TNFRSF10D: variants seen among roughly 807,000 people sequenced by gnomAD.
The protein encoded by TNFRSF10D is tumor necrosis factor receptor superfamily member 10D.
In TNFRSF10D, 28 loss-of-function variants were observed where a neutral mutation model predicts 42.1. The observed-to-expected ratio is 0.66, with a 90% CI of 0.49 to 0.91. The LOEUF (loss-of-function observed/expected upper bound fraction) is 0.91. TNFRSF10D is among the 40% of genes least tolerant of loss of function. TNFRSF10D has a pLI of 0.00. For missense variants in TNFRSF10D, 503 were observed against 486.1 expected (o/e 1.03, Z -0.33); for synonymous variants, 186 against 189.4 (o/e 0.98, Z 0.15).
In TNFRSF10D at chr8:23,137,626, A is replaced by G; in HGVS notation, c.*244T>C. The G allele has an allele frequency of 8.8e-6, 4 of 454,586 alleles. No homozygotes were observed. The highest frequency in any genetic ancestry group is 6.6e-5 in the South Asian group (2 of 30,390). 28.2% of individuals were successfully genotyped at this position (454,586 alleles called of 1,614,324 possible). On this transcript the variant is annotated 3_prime_UTR_variant, in exon 9 of 9. Coordinates refer to ENST00000312584, the MANE Select transcript of TNFRSF10D (RefSeq NM_003840.5). ...GGCCTAAAACGACCCTTAATACACA[A>G]TCGTATAACTATGCAGCCAAGAATC...
Position 23,137,961 on chromosome 8 carries a change from T to C in TNFRSF10D, c.1070A>G (p.His357Arg), listed in dbSNP as rs199819618. 3.5e-5 allele frequency: 57 copies of C among 1,614,232 alleles called. No homozygotes were observed. The highest frequency in any genetic ancestry group is 3.3e-4 in the Middle Eastern group (2 of 6,062). ...TTGGTCCTGAATTGTTTCCTTTGCA[T>C]GTCCTTCTTCCAGTGTTGCCGAGGC... The part of the protein sequence containing the change: ...LDASATLEEG[H>R]AKETIQDQLV... The change falls in exon 9 of 9, where the codon CAT (histidine) becomes CGT (arginine). Residue 357 changes from histidine to arginine, a missense_variant. Coordinates refer to ENST00000312584, the MANE Select transcript of TNFRSF10D (RefSeq NM_003840.5).
In TNFRSF10D at chr8:23,153,513, C is replaced by T. The variant is rs573374846; in HGVS notation, c.256+1361G>A. Among the ~76,000 whole-genome samples the T allele has an allele frequency of 7.2e-5, 11 of 152,192 alleles. No homozygotes were observed. The East Asian group carries it at 2.1e-3, about 29-fold the overall frequency. Reference sequence around the variant, plus strand: ...AAAATACACAGGAACTCAAACATCTCAATAGTATGCAATCAAATAATCCAA... The same window carrying T: ...AAAATACACAGGAACTCAAACATCTTAATAGTATGCAATCAAATAATCCAA... On this transcript the variant is annotated intron_variant, in intron 2 of 8. Coordinates refer to ENST00000312584, the MANE Select transcript of TNFRSF10D (RefSeq NM_003840.5).
chr8:23,152,153 G>T (rs1305989495), intron 2 of TNFRSF10D, among the ~76,000 whole-genome samples: 1 of 152,176 alleles, frequency 6.6e-6, no homozygotes, highest in Admixed American at 6.5e-5. Flanking sequence ...AGGATGTTAG[G>T]TTCAGATGTG....
chr8:23,160,362 C>T (rs888086457), intron 1 of TNFRSF10D, among the ~76,000 whole-genome samples: 1 of 152,136 alleles, frequency 6.6e-6, no homozygotes, highest in Non-Finnish European at 1.5e-5. Flanking sequence ...TCCGAAGAGC[C>T]CTGTGGACTC....
chr8:23,145,648 C>A lies in TNFRSF10D; in HGVS notation c.736+20G>T. The A allele has an allele frequency of 6.2e-7, 1 of 1,613,416 alleles. No individual in the cohort carries two copies. Among genetic ancestry groups the A allele is most frequent in the Non-Finnish European group, 8.5e-7 (1 of 1,180,004 alleles). On this transcript the variant is annotated intron_variant, in intron 5 of 8. Coordinates refer to ENST00000312584, the MANE Select transcript of TNFRSF10D (RefSeq NM_003840.5). ...CAGGGCAGACAGTGCCCAGCGCTCC[C>A]ACCCTCAGCCAGCACCTACCTGAGC...
chr8:23,154,092 T>C (rs1172238079), intron 2 of TNFRSF10D, among the ~76,000 whole-genome samples: 938 of 152,236 alleles, frequency 6.2e-3, no homozygotes, highest in African/African-American at 0.019. Flanking sequence ...CCTGGAGATA[T>C]CATGCTAAGT....
chr8:23,162,883 A>T (rs4871852), intron 1 of TNFRSF10D, among the ~76,000 whole-genome samples: 25,855 of 152,042 alleles, frequency 0.17, 2,902 homozygotes, highest in East Asian at 0.59. Flanking sequence ...TCCAAGAAAC[A>T]CGTGTAACAG....
chr8:23,144,341 G>A, intron 7 of TNFRSF10D, 109 bp downstream of exon 7: 1 of 1,305,820 alleles, frequency 7.7e-7, no homozygotes, highest in Non-Finnish European at 1.0e-6. Context: ...TCTCCCAAAG[G>A]CTCCATGTCC....
chr8:23,139,931 G>C (rs566356755), intron 7 of TNFRSF10D, among the ~76,000 whole-genome samples: 1 of 152,246 alleles, frequency 6.6e-6, no homozygotes, highest in East Asian at 1.9e-4. Flanking sequence ...GGATCACGAT[G>C]TCAAGAGTTC....
rs1369707036 is a variant in TNFRSF10D at position 23,162,238 on chromosome 8, G to C, written c.150+1548C>G. 5.9e-5 allele frequency among the ~76,000 whole-genome samples: 9 copies of C among 152,302 alleles called. No homozygotes were observed. The East Asian group carries it at 1.2e-3, about 20-fold the overall frequency. ...GAGGGATCAAAGCCTCCTTTGGGACGCATAGAGTTCACATTCCCAAAACTG... is the reference window on the plus strand; with the variant it reads ...GAGGGATCAAAGCCTCCTTTGGGACCCATAGAGTTCACATTCCCAAAACTG... On this transcript the variant is annotated intron_variant, in intron 1 of 8. Coordinates refer to ENST00000312584, the MANE Select transcript of TNFRSF10D (RefSeq NM_003840.5).
At chr8:23,156,196 T>A (rs1295972883) in intron 1 of TNFRSF10D, among the ~76,000 whole-genome samples, 1 of 149,712 alleles carries the variant, frequency 6.7e-6, no homozygotes, top group African/African-American at 2.5e-5. Flanking sequence ...TTTTTCAAAT[T>A]TTTTTTGCAT....
chr8:23,136,026 T>C lies in TNFRSF10D; in HGVS notation c.*1844A>G, dbSNP rs1461835458. 4.1e-3 allele frequency: 1,704 copies of C among 414,754 alleles called. No individual in the cohort carries two copies. Among genetic ancestry groups the C allele is most frequent in the African/African-American group, 0.02 (969 of 49,112 alleles). The allele number at this position is 414,754 out of a possible 1,614,324, so 25.7% of individuals were successfully genotyped here. A position where few individuals can be genotyped will look rare whatever the true frequency, so the allele number is the denominator to read the frequency against. On this transcript the variant is annotated 3_prime_UTR_variant, in exon 9 of 9. Coordinates refer to ENST00000312584, the MANE Select transcript of TNFRSF10D (RefSeq NM_003840.5). The stretch of plus-strand genomic sequence containing the variant: ...AAGGCCATCCCCTCCTAAAACTCCA[T>C]GGACACAACAATCTGAATGTGCGAA...
intron 1 of TNFRSF10D, among the ~76,000 whole-genome samples, chr8:23,158,993 T>G (rs1034129980): frequency 2.6e-5 from 4 of 152,146 alleles, no homozygotes; most frequent in African/African-American, 9.7e-5. Context: ...CAGCAATGCT[T>G]CTTCTGCTTT....
chr8:23,142,401 G>A (rs761197631), intron 7 of TNFRSF10D, among the ~76,000 whole-genome samples: 133 of 152,294 alleles, frequency 8.7e-4, no homozygotes, highest in Non-Finnish European at 1.0e-3. Context: ...ATACACCATA[G>A]GTTACCACAC....
chr8:23,149,221 AAG>A (rs914074767), intron 2 of TNFRSF10D, among the ~76,000 whole-genome samples: 7 of 151,462 alleles, frequency 4.6e-5, no homozygotes, highest in Non-Finnish European at 8.8e-5. Context: ...AAGAAAAGAA[AAG>A]AAATATTTTA....
chr8:23,138,483 A>C (rs7011011), intron 7 of TNFRSF10D, among the ~76,000 whole-genome samples: 1,533 of 152,138 alleles, frequency 0.01, 4 homozygotes, highest in African/African-American at 0.033. Context: ...AAGTGTTCTG[A>C]CCAACTTTGA....
intron 7 of TNFRSF10D, among the ~76,000 whole-genome samples, chr8:23,140,873 AT>A (rs773098373): frequency 4.6e-5 from 7 of 152,170 alleles, no homozygotes; most frequent in Non-Finnish European, 1.0e-4. Flanking sequence ...TTCTTTATAA[AT>A]TACCCAGTCT....
Position 23,136,899 on chromosome 8 carries a change from T to G in TNFRSF10D, c.*971A>C, listed in dbSNP as rs1814340021. On this transcript the variant is annotated 3_prime_UTR_variant, in exon 9 of 9. Coordinates refer to ENST00000312584, the MANE Select transcript of TNFRSF10D (RefSeq NM_003840.5). The stretch of plus-strand genomic sequence containing the variant: ...CCAGCCATCAAACCCTGGTCCAGTC[T>G]CAGGGCGCAGGAGGGAGAACTGGAA... 1 of 152,072 alleles carries G rather than the reference T, an allele frequency of 6.6e-6. No homozygotes were observed. Among genetic ancestry groups the G allele is most frequent in the Non-Finnish European group, 1.5e-5 (1 of 68,016 alleles). 9.4% of individuals were successfully genotyped at this position (152,072 alleles called of 1,614,324 possible).
chr8:23,152,944 T>A (rs376076698), intron 2 of TNFRSF10D, among the ~76,000 whole-genome samples: 906 of 152,092 alleles, frequency 6.0e-3, no homozygotes, highest in African/African-American at 0.019. Context: ...AAAAGAACAA[T>A]GATGGAGGCA....
Sources: gnomAD v4.1 joint callset for allele counts (sites outside exome capture counted in the v4.1 genomes callset) on GRCh38, gnomAD v4.1.1 for gene constraint, MANE v1.5 for transcripts, NCBI Gene and HGNC (gene_info 2026-07-23, HGNC 2026-07-21) for gene names.